Variants in RABGAP1L observed in about 807,000 individuals in gnomAD.
RABGAP1L encodes the protein rab GTPase-activating protein 1-like.
RABGAP1L carries 63 observed loss-of-function variants against 137.7 expected under a neutral mutation model. The ratio of observed to expected loss-of-function variants is 0.46; its 90% CI spans 0.37 to 0.56. RABGAP1L has a LOEUF of 0.56. RABGAP1L is among the 20% of genes least tolerant of loss of function. RABGAP1L has a pLI of 0.00. For synonymous variants in RABGAP1L, 431 were observed against 433.7 expected (o/e 0.99, Z 0.08); for missense variants, 1,095 against 1,244.0 (o/e 0.88, Z 1.80).
chr1:174,827,534 A>T (rs1361390025), intron 19 of RABGAP1L, among the ~76,000 whole-genome samples: 1 of 135,284 alleles, frequency 7.4e-6, no homozygotes, highest in Non-Finnish European at 1.7e-5. Flanking sequence ...TTCTCTGAAA[A>T]CATTCTCTTC....
At chr1:174,308,209 T>C (rs925758964) in intron 11 of RABGAP1L, among the ~76,000 whole-genome samples, 2 of 152,054 alleles carry the variant, frequency 1.3e-5, no homozygotes, top group Non-Finnish European at 2.9e-5. Flanking sequence ...TGTATTTACA[T>C]ATGTATGTGT....
At chr1:174,327,357 A>C (rs1680526449) in intron 11 of RABGAP1L, among the ~76,000 whole-genome samples, 1 of 152,086 alleles carries the variant, frequency 6.6e-6, no homozygotes. Context: ...AAAAGATGTA[A>C]ATTATGATAT....
In RABGAP1L at chr1:174,991,071, C is replaced by T. The variant is rs1672025429; in HGVS notation, c.*1070C>T. 1.3e-5 allele frequency: 2 copies of T among 152,054 alleles called. No homozygotes were observed. Among genetic ancestry groups the T allele is most frequent in the African/African-American group, 4.8e-5 (2 of 41,398 alleles). The allele number at this position is 152,054 out of a possible 1,614,324, so 9.4% of individuals were successfully genotyped here. A position where few individuals can be genotyped will look rare whatever the true frequency, so the allele number is the denominator to read the frequency against. On this transcript the variant is annotated 3_prime_UTR_variant, in exon 26 of 26. Coordinates refer to ENST00000681986, the MANE Select transcript of RABGAP1L (RefSeq NM_001366446.1). ...GTTCCCTGAAAATGTGTCCTTCGTA[C>T]CCATAAAGAGATACAAATGCATTTG... is the stretch of plus-strand genomic sequence containing the variant.
intron 24 of RABGAP1L, among the ~76,000 whole-genome samples, chr1:174,985,190 A>T (rs1671480080): frequency 1.3e-5 from 2 of 152,112 alleles, no homozygotes; most frequent in Admixed American, 1.3e-4. Flanking sequence ...AACTTGGTGA[A>T]ACTCCTGGAC....
intron 7 of RABGAP1L, among the ~76,000 whole-genome samples, chr1:174,258,460 C>CT (rs200873654): frequency 1.3e-4 from 20 of 151,964 alleles, no homozygotes; most frequent in East Asian, 3.9e-4. Flanking sequence ...AATTAAACAT[C>CT]TTTTTTTTGG....
At chr1:174,696,267 G>C (rs557743103) in intron 15 of RABGAP1L, among the ~76,000 whole-genome samples, 2 of 152,094 alleles carry the variant, frequency 1.3e-5, no homozygotes, top group African/African-American at 4.8e-5. Context: ...TCAAGTTGCA[G>C]GACAAAGTCC....
intron 19 of RABGAP1L, chr1:174,892,588 C>T (rs532901747): frequency 7.5e-6 from 4 of 531,782 alleles, no homozygotes; most frequent in South Asian, 4.3e-5. Flanking sequence ...TATTTACATG[C>T]CATTCTTTGG....
rs569278426 is a variant in RABGAP1L at position 174,620,065 on chromosome 1, G to T, written c.1711-17310G>T. On this transcript the variant is annotated intron_variant, in intron 13 of 25. Transcript: ENST00000681986. ...GAAGGCCATTACATAATGGTAAAGGGATCAATTCAACAAGAATAACTATCC... is the reference window on the plus strand; with the variant it reads ...GAAGGCCATTACATAATGGTAAAGGTATCAATTCAACAAGAATAACTATCC... Among the ~76,000 whole-genome samples, 31 of 152,118 alleles carry T rather than the reference G, an allele frequency of 2.0e-4. No individual in the cohort carries two copies. In the South Asian group the frequency reaches 6.5e-3, roughly 32 times the overall value.
intron 13 of RABGAP1L, among the ~76,000 whole-genome samples, chr1:174,556,732 T>A (rs1572313818): frequency 1.3e-5 from 2 of 152,374 alleles, no homozygotes; most frequent in South Asian, 4.1e-4. Flanking sequence ...TGAAGTAAGT[T>A]CAACTTTGGT....
chr1:174,241,592 A>G lies in RABGAP1L; in HGVS notation c.652A>G (p.Thr218Ala). The stretch of plus-strand genomic sequence containing the variant: ...AACAGAGAGCAATTGCTTTGCATTT[A>G]CAGAGAGTTCCCATGGTTCGGAAGA... ...GTTESNCFAF[T>A]ESSHGSEEFQ... The change falls in exon 5 of 26, where the codon ACA becomes GCA. Residue 218 changes from threonine (T) to alanine (A), a missense_variant. Around this residue, in one of 4 missense-constraint regions of RABGAP1L, gnomAD observed 356 missense variants for 326.3 expected, o/e 1.09. Transcript: ENST00000681986. The G allele has an allele frequency of 6.2e-7, 1 of 1,614,002 alleles. No homozygotes were observed. Among genetic ancestry groups the G allele is most frequent in the Non-Finnish European group, 8.5e-7 (1 of 1,179,922 alleles).
intron 11 of RABGAP1L, among the ~76,000 whole-genome samples, chr1:174,347,642 G>A (rs1202569300): frequency 6.6e-6 from 1 of 151,890 alleles, no homozygotes; most frequent in Admixed American, 6.6e-5. Flanking sequence ...ACAGGCACCC[G>A]CCTCCACACC....
chr1:174,550,307 A>G (rs935445218), intron 13 of RABGAP1L, among the ~76,000 whole-genome samples: 6 of 152,236 alleles, frequency 3.9e-5, no homozygotes, highest in African/African-American at 7.2e-5. Context: ...GTCCCAAGTC[A>G]TGAATAAGTA....
Position 174,272,340 on chromosome 1 carries a change from A to T in RABGAP1L, c.987-74A>T. 5.4e-6 allele frequency: 8 copies of T among 1,481,122 alleles called. No homozygotes were observed. The South Asian group carries it at 1.1e-4, about 20-fold the overall frequency. The allele number at this position is 1,481,122 out of a possible 1,614,324, so 91.7% of individuals were successfully genotyped here. A position where few individuals can be genotyped will look rare whatever the true frequency, so the allele number is the denominator to read the frequency against. ...GCTCAGATTGTATAGTTATTGTAAA[A>T]AGGCTTTATGCTCACTGGGCTTCTA... On this transcript the variant is annotated intron_variant, in intron 7 of 25. Transcript: ENST00000681986.
chr1:174,550,857 AATATAT>A lies in RABGAP1L; in HGVS notation c.1711-86484_1711-86479del, dbSNP rs1216100934. On this transcript the variant is annotated intron_variant, in intron 13 of 25. Transcript: ENST00000681986. The stretch of plus-strand genomic sequence containing the variant: ...ACACGGTGAAACCCCGTCTCTGCTA[AATATAT>A]ATATATATATATATATATATATATA... Among the ~76,000 whole-genome samples the A allele has an allele frequency of 8.2e-4, 51 of 61,836 alleles. 2 individuals carry two copies. The highest frequency in any genetic ancestry group is 8.2e-3 in the East Asian group (12 of 1,470). The allele number at this position is 61,836 out of a possible 152,430, so 40.6% of individuals were successfully genotyped here. A position where few individuals can be genotyped will look rare whatever the true frequency, so the allele number is the denominator to read the frequency against.
chr1:174,747,629 T>C (rs1298945557), intron 17 of RABGAP1L, among the ~76,000 whole-genome samples: 1 of 152,088 alleles, frequency 6.6e-6, no homozygotes, highest in Admixed American at 6.6e-5. Flanking sequence ...TTTACATACA[T>C]AAATTTTTCT....
intron 10 of RABGAP1L, among the ~76,000 whole-genome samples, chr1:174,295,683 CT>C (rs375647532): frequency 0.087 from 12,169 of 139,866 alleles, 632 homozygotes; most frequent in East Asian, 0.33. Context: ...CGCAGCCAGC[CT>C]TTTTTTTTTT....
chr1:174,341,129 T>C (rs10912766), intron 11 of RABGAP1L, among the ~76,000 whole-genome samples: 51,868 of 152,012 alleles, frequency 0.34, 11,065 homozygotes, highest in African/African-American at 0.6. Context: ...TAAATTTCTT[T>C]AAGTTCCTGG....
At chr1:174,224,633 A>G (rs910617984) in intron 3 of RABGAP1L, among the ~76,000 whole-genome samples, 1 of 152,104 alleles carries the variant, frequency 6.6e-6, no homozygotes, top group Non-Finnish European at 1.5e-5. Context: ...TTATCCTTTT[A>G]ATGTCTGCAG....
intron 11 of RABGAP1L, among the ~76,000 whole-genome samples, chr1:174,319,664 G>T (rs7523460): frequency 0.57 from 87,289 of 151,950 alleles, 27,449 homozygotes; most frequent in African/African-American, 0.85. Context: ...CTATTAACAT[G>T]AAGATGTTAG....
Sources: allele counts gnomAD v4.1 joint callset (sites outside exome capture counted in the v4.1 genomes callset), GRCh38; gene constraint gnomAD v4.1.1; regional missense constraint gnomAD v4.1.1; transcripts MANE v1.5; gene names NCBI Gene and HGNC (gene_info 2026-07-23, HGNC 2026-07-21).